Variants in SNTG1 observed in about 807,000 individuals in gnomAD.
SNTG1 encodes gamma-1-syntrophin.
Under a neutral mutation model 74.7 loss-of-function variants are expected in SNTG1, and 39 were observed. The ratio of observed to expected loss-of-function variants is 0.52; its 90% CI spans 0.40 to 0.68. The LOEUF is 0.68. Ranked by LOEUF, SNTG1 falls within the 30% of genes least tolerant of loss-of-function variation. The pLI is 0.00. For synonymous variants in SNTG1, 254 were observed against 217.1 expected (o/e 1.17, Z -1.49); for missense variants, 685 against 609.5 (o/e 1.12, Z -1.30).
At chr8:50,516,992 A>G (rs1272024621) in intron 9 of SNTG1, among the ~76,000 whole-genome samples, 2 of 152,126 alleles carry the variant, frequency 1.3e-5, no homozygotes, top group Non-Finnish European at 2.9e-5. Context: ...ACACATAGTC[A>G]TCAGATTCAA....
At chr8:50,568,227 T>TTGTGTG (rs1554576692) in intron 12 of SNTG1, among the ~76,000 whole-genome samples, 16 of 146,282 alleles carry the variant, frequency 1.1e-4, no homozygotes, top group Admixed American at 7.6e-4. Context: ...TTGTCCATGT[T>TTGTGTG]TGTGTGTGTG....
At chr8:50,689,823 G>C (rs2095369561) in intron 15 of SNTG1, among the ~76,000 whole-genome samples, 1 of 152,178 alleles carries the variant, frequency 6.6e-6, no homozygotes, top group Non-Finnish European at 1.5e-5. Context: ...AGAAGGAATG[G>C]TACCAGCTCC....
chr8:50,074,763 TGAG>T (rs1261615891), intron 1 of SNTG1, among the ~76,000 whole-genome samples: 2 of 152,168 alleles, frequency 1.3e-5, no homozygotes, highest in African/African-American at 4.8e-5. Flanking sequence ...TGGCCGCACT[TGAG>T]GAGCCCTTCA....
chr8:50,491,752 GGTACAT>G (rs1563468379), intron 8 of SNTG1, among the ~76,000 whole-genome samples: 1 of 151,654 alleles, frequency 6.6e-6, no homozygotes, highest in East Asian at 1.9e-4. Context: ...TAAGTTCTGG[GGTACAT>G]GTGTGGAAAG....
At chr8:50,322,890 CA>C (rs1400312361) in intron 2 of SNTG1, among the ~76,000 whole-genome samples, 2 of 151,836 alleles carry the variant, frequency 1.3e-5, no homozygotes, top group Non-Finnish European at 2.9e-5. Flanking sequence ...GCCAAGGAAG[CA>C]GATTGCCTGA....
chr8:50,488,809 G>A (rs2093822591), intron 8 of SNTG1, among the ~76,000 whole-genome samples: 1 of 152,108 alleles, frequency 6.6e-6, no homozygotes, highest in Non-Finnish European at 1.5e-5. Flanking sequence ...TTAAGTTCTG[G>A]GATAAATGTG....
chr8:49,942,940 C>T (rs1269763553), intron 1 of SNTG1, among the ~76,000 whole-genome samples: 1 of 152,158 alleles, frequency 6.6e-6, no homozygotes, highest in Non-Finnish European at 1.5e-5. Context: ...AGGATTTAGG[C>T]TTCATCTCTT....
At chr8:50,272,022 G>A (rs1378894710) in intron 2 of SNTG1, among the ~76,000 whole-genome samples, 2 of 152,100 alleles carry the variant, frequency 1.3e-5, no homozygotes, top group African/African-American at 2.4e-5. Flanking sequence ...GAGCCAGAAA[G>A]CAGCCCTCAC....
intron 17 of SNTG1, among the ~76,000 whole-genome samples, chr8:50,737,935 A>G (rs1183213833): frequency 5.3e-5 from 8 of 152,120 alleles, no homozygotes; most frequent in African/African-American, 1.9e-4. Flanking sequence ...ATTTATGACA[A>G]ACCCACAGCC....
At chr8:49,920,573 A>T (rs895786459) in intron 1 of SNTG1, among the ~76,000 whole-genome samples, 1 of 152,092 alleles carries the variant, frequency 6.6e-6, no homozygotes, top group Non-Finnish European at 1.5e-5. Flanking sequence ...CAACAACAAC[A>T]ACAAACAGAA....
chr8:50,329,364 C>T (rs1482750185), intron 2 of SNTG1, among the ~76,000 whole-genome samples: 1 of 152,144 alleles, frequency 6.6e-6, no homozygotes, highest in Non-Finnish European at 1.5e-5. Context: ...AGAGGCTTTC[C>T]ATGAGGGCTC....
At chr8:50,613,896 G>C (rs573518999) in intron 13 of SNTG1, among the ~76,000 whole-genome samples, 2 of 152,072 alleles carry the variant, frequency 1.3e-5, no homozygotes, top group Non-Finnish European at 2.9e-5. Context: ...AAAAATAAAA[G>C]TTGTAAAATA....
chr8:50,667,483 A>T (rs1244377759), intron 15 of SNTG1, among the ~76,000 whole-genome samples: 1 of 152,026 alleles, frequency 6.6e-6, no homozygotes, highest in African/African-American at 2.4e-5. Flanking sequence ...TTGTGTCATA[A>T]CACAGAGGGA....
intron 8 of SNTG1, among the ~76,000 whole-genome samples, chr8:50,451,896 G>A (rs1332302806): frequency 6.6e-6 from 1 of 152,180 alleles, no homozygotes; most frequent in Non-Finnish European, 1.5e-5. Context: ...ATGGGAAAGA[G>A]TAGAGGATAA....
intron 2 of SNTG1, among the ~76,000 whole-genome samples, chr8:50,358,544 G>T (rs947051204): frequency 2.0e-5 from 3 of 152,148 alleles, no homozygotes; most frequent in African/African-American, 7.2e-5. Flanking sequence ...AGATAAGTTT[G>T]CAATGGTTTA....
chr8:49,987,332 A>G (rs1044476972), intron 1 of SNTG1, among the ~76,000 whole-genome samples: 8 of 152,242 alleles, frequency 5.3e-5, no homozygotes, highest in Admixed American at 2.6e-4. Flanking sequence ...AAACAACCAT[A>G]AAAATTAAAA....
At chr8:50,768,949 A>T (rs547802862) in intron 18 of SNTG1, among the ~76,000 whole-genome samples, 1 of 152,102 alleles carries the variant, frequency 6.6e-6, no homozygotes, top group Non-Finnish European at 1.5e-5. Flanking sequence ...TGAGAACAGG[A>T]ATGTGTGGTG....
intron 1 of SNTG1, among the ~76,000 whole-genome samples, chr8:50,023,227 T>C (rs764586846): frequency 6.6e-6 from 1 of 151,988 alleles, no homozygotes; most frequent in Non-Finnish European, 1.5e-5. Context: ...ATGTTTTGAG[T>C]TAAAGCGGTG....
At chr8:50,671,846 A>G (rs951022139) in intron 15 of SNTG1, among the ~76,000 whole-genome samples, 1 of 151,878 alleles carries the variant, frequency 6.6e-6, no homozygotes, top group African/African-American at 2.4e-5. Context: ...CATATACACC[A>G]TGGAATATTA....
Sources: gnomAD v4.1 joint callset for allele counts (sites outside exome capture counted in the v4.1 genomes callset) on GRCh38, gnomAD v4.1.1 for gene constraint, MANE v1.5 for transcripts, NCBI Gene and HGNC (gene_info 2026-07-23, HGNC 2026-07-21) for gene names.